CFTR: variants seen among roughly 807,000 people sequenced by gnomAD.
CFTR encodes the protein cystic fibrosis transmembrane conductance regulator.
CFTR carries 181 observed loss-of-function variants against 171.6 expected under a neutral mutation model. The observed-to-expected ratio is 1.05, with a 90% CI of 0.93 to 1.19. The LOEUF (loss-of-function observed/expected upper bound fraction) is 1.19. Among genes scored for constraint, CFTR ranks in the 50% most tolerant of loss-of-function variants. CFTR has a pLI of 0.00. For synonymous variants in CFTR, 583 were observed against 608.0 expected (o/e 0.96, Z 0.60); for missense variants, 1,968 against 1,734.7 (o/e 1.13, Z -2.39).
intron 21 of CFTR, among the ~76,000 whole-genome samples, chr7:117,625,061 C>T (rs888457364): frequency 7.2e-5 from 11 of 152,176 alleles, no homozygotes; most frequent in Non-Finnish European, 1.6e-4. Context: ...GGCTGCACAA[C>T]TGACCATGGT....
chr7:117,571,979 G>C (rs951743663), intron 11 of CFTR, among the ~76,000 whole-genome samples: 1 of 124,924 alleles, frequency 8.0e-6, no homozygotes, highest in African/African-American at 2.8e-5. Context: ...ATCAGTGAAG[G>C]AAAAACCTTT....
At position 117,518,392 on chromosome 7, in the gene CFTR, T is replaced by A. The variant is rs192814431; in HGVS notation, c.273+9250T>A. On this transcript the variant is annotated intron_variant, in intron 3 of 26. Coordinates refer to ENST00000003084, the MANE Select transcript of CFTR (RefSeq NM_000492.4). ...AATAAATATATAATACTATAAATAATATAATAATTTATATATATGATTATA... is the reference window on the plus strand; with the variant it reads ...AATAAATATATAATACTATAAATAAAATAATAATTTATATATATGATTATA... 4.5e-3 allele frequency among the ~76,000 whole-genome samples: 655 copies of A among 146,698 alleles called. 3 individuals are homozygous for A. The highest frequency in any genetic ancestry group is 0.011 in the Middle Eastern group (3 of 280).
intron 10 of CFTR, among the ~76,000 whole-genome samples, chr7:117,554,062 A>G (rs1192981933): frequency 1.3e-5 from 2 of 152,182 alleles, no homozygotes; most frequent in South Asian, 2.1e-4. Flanking sequence ...AAGTGCTCGT[A>G]AAGACTAAGG....
rs770896561 is a variant in CFTR, at chr7:117,587,828, A to G, written c.1674A>G (p.Leu558=). The G allele has an allele frequency of 3.2e-6, 5 of 1,576,068 alleles. No individual in the cohort carries two copies. The Admixed American group carries it at 5.0e-5, about 16-fold the overall frequency. Residue 558 remains leucine (L), a synonymous_variant, in exon 12 of 27, where the codon TTA becomes TTG. Coordinates refer to ENST00000003084, the MANE Select transcript of CFTR (RefSeq NM_000492.4). The part of the protein sequence containing the change: ...LSGGQRARIS[L]ARAVYKDADL... ...GAGGTCAACGAGCAAGAATTTCTTT[A>G]GCAAGGTGAATAACTAATTATTGGT...
At chr7:117,552,498 A>G (rs548536341) in intron 10 of CFTR, among the ~76,000 whole-genome samples, 19 of 152,288 alleles carry the variant, frequency 1.2e-4, no homozygotes, top group African/African-American at 4.3e-4. Context: ...TATCTGTTAC[A>G]TGACCTTCCT....
intron 24 of CFTR, among the ~76,000 whole-genome samples, chr7:117,657,576 T>C (rs944027433): frequency 6.6e-6 from 1 of 152,178 alleles, no homozygotes; most frequent in Admixed American, 6.5e-5. Context: ...GATAATACAA[T>C]TTGTCCAAAC....
intron 1 of CFTR, among the ~76,000 whole-genome samples, chr7:117,490,268 C>T (rs1035455815): frequency 4.0e-5 from 6 of 150,530 alleles, no homozygotes; most frequent in Non-Finnish European, 8.9e-5. Context: ...TGAGTATTTA[C>T]TCTGCATATT....
intron 21 of CFTR, among the ~76,000 whole-genome samples, chr7:117,615,946 A>G (rs968808615): frequency 4.6e-5 from 7 of 152,116 alleles, no homozygotes; most frequent in Admixed American, 4.6e-4. Flanking sequence ...CAACACTATT[A>G]TTATACTCTT....
intron 8 of CFTR, among the ~76,000 whole-genome samples, chr7:117,541,231 T>TGAGAGAGAAATAGAGAGAGAGA (rs1158407717): frequency 2.0e-5 from 3 of 150,700 alleles, no homozygotes; most frequent in Non-Finnish European, 4.4e-5. Flanking sequence ...GTTAGCCCAT[T>TGAGAGAGAAATAGAGAGAGAGA]GAGAGAGAAA....
At chr7:117,553,146 C>A (rs1799298857) in intron 10 of CFTR, among the ~76,000 whole-genome samples, 1 of 151,984 alleles carries the variant, frequency 6.6e-6, no homozygotes, top group Non-Finnish European at 1.5e-5. Context: ...TTCCCAGCCT[C>A]CAGAACTGTG....
At position 117,606,687 on chromosome 7, in the gene CFTR, TAG is replaced by T. The variant is rs1584819340; in HGVS notation, c.2924_2925del (p.Arg975IlefsTer10). On this transcript the variant is annotated frameshift_variant, in exon 18 of 27. Transcript: ENST00000003084. LOFTEE classifies it high-confidence loss of function. ...TGTATATTATAGGTGGGATTCTTAATAGATTCTCCAAAGATATAGCAATTTTG... is the reference window on the plus strand; with the variant it reads ...TGTATATTATAGGTGGGATTCTTAATATTCTCCAAAGATATAGCAATTTTG... ...NTLKAGGILN[R>X]FSKDIAILDD... The T allele has an allele frequency of 6.4e-7, 1 of 1,569,956 alleles. No homozygotes were observed. The highest frequency in any genetic ancestry group is 8.8e-7 in the Non-Finnish European group (1 of 1,140,050).
chr7:117,657,561 C>T (rs1432053100), intron 24 of CFTR, among the ~76,000 whole-genome samples: 4 of 152,182 alleles, frequency 2.6e-5, no homozygotes, highest in Non-Finnish European at 5.9e-5. Flanking sequence ...TAGTCTAATA[C>T]AGCTGATAAT....
In CFTR at chr7:117,657,128, G is replaced by A. The variant is rs181796399; in HGVS notation, c.3963+4197G>A. Among the ~76,000 whole-genome samples, 283 of 152,286 alleles carry A rather than the reference G, an allele frequency of 1.9e-3. 1 individual carries two copies. Among genetic ancestry groups the A allele is most frequent in the African/African-American group, 6.7e-3 (279 of 41,568 alleles). The stretch of plus-strand genomic sequence containing the variant: ...AATGGGAGGGAAACTTGGGAGGGAA[G>A]ACATTAGCCTTTATAAAATCTGCAA... On this transcript the variant is annotated intron_variant, in intron 24 of 26. Transcript: ENST00000003084.
chr7:117,649,227 A>G (rs1418392308), intron 23 of CFTR, among the ~76,000 whole-genome samples: 4 of 151,270 alleles, frequency 2.6e-5, no homozygotes, highest in Non-Finnish European at 5.9e-5. Context: ...TTCTTTAAAG[A>G]TTGTGATACT....
rs775038647 is a variant in CFTR at position 117,642,388 on chromosome 7, G to T, written c.3718-50G>T. The T allele has an allele frequency of 5.3e-6, 8 of 1,508,684 alleles. No homozygotes were observed. In the East Asian group the frequency reaches 1.8e-4, roughly 34 times the overall value. 93.5% of individuals were successfully genotyped at this position (1,508,684 alleles called of 1,614,324 possible). On this transcript the variant is annotated intron_variant, in intron 22 of 26. Coordinates refer to ENST00000003084, the MANE Select transcript of CFTR (RefSeq NM_000492.4). The stretch of plus-strand genomic sequence containing the variant: ...AGTACAATACTGAATTATGTTTATG[G>T]CATGGTACCTATATGTCACAGAAGT...
chr7:117,540,433 A>T, intron 8 of CFTR, 87 bp downstream of exon 8: 1 of 1,214,390 alleles, frequency 8.2e-7, no homozygotes, highest in South Asian at 1.5e-5. Flanking sequence ...AAAATGTGCG[A>T]AAAGATAGAA....
intron 21 of CFTR, among the ~76,000 whole-genome samples, chr7:117,616,865 G>A (rs982764316): frequency 8.5e-5 from 13 of 152,184 alleles, no homozygotes; most frequent in Admixed American, 6.5e-4. Flanking sequence ...GCCTTTCCTG[G>A]GTGTTTATGG....
At chr7:117,626,687 G>A (rs1413178552) in intron 21 of CFTR, among the ~76,000 whole-genome samples, 1 of 151,426 alleles carries the variant, frequency 6.6e-6, no homozygotes, top group Non-Finnish European at 1.5e-5. Flanking sequence ...TTCATGTATT[G>A]TTCAAATATA....
intron 1 of CFTR, among the ~76,000 whole-genome samples, chr7:117,484,481 T>G (rs1319979361): frequency 6.6e-6 from 1 of 152,180 alleles, no homozygotes; most frequent in Non-Finnish European, 1.5e-5. Context: ...TTGAACAATG[T>G]TGTCTGAACA....
Sources: allele counts gnomAD v4.1 joint callset (sites outside exome capture counted in the v4.1 genomes callset), GRCh38; gene constraint gnomAD v4.1.1; transcripts MANE v1.5; gene names NCBI Gene and HGNC (gene_info 2026-07-23, HGNC 2026-07-21).